The following GPC6 variants were observed in gnomAD, a reference collection of about 807,000 sequenced individuals.
GPC6 encodes the protein glypican-6.
GPC6 carries 14 observed loss-of-function variants against 55.2 expected under a neutral mutation model. The observed-to-expected ratio is 0.25, with a 90% confidence interval of 0.17 to 0.40. The LOEUF is 0.40. Among genes scored for constraint, GPC6 ranks in the 10% least tolerant of loss-of-function variants. The pLI, the probability that GPC6 is intolerant of heterozygous loss-of-function variation, is 1.00. For synonymous variants in GPC6, 278 were observed against 259.6 expected (o/e 1.07, Z -0.68); for missense variants, 641 against 708.5 (o/e 0.90, Z 1.08).
rs1882995104 is a variant in GPC6 at position 94,028,543 on chromosome 13, T to C, written c.877+649T>C. Among the ~76,000 whole-genome samples, 3 of 152,210 alleles carry C rather than the reference T, an allele frequency of 2.0e-5. 1 individual carries two copies. The South Asian group carries it at 6.2e-4, about 32-fold the overall frequency. ...AAAAGTCCACTGTACTATTTCTTTT[T>C]TATTTGTATTACCTCAGCATAGCCA... On this transcript the variant is annotated intron_variant, in intron 4 of 8. Coordinates refer to ENST00000377047, the MANE Select transcript of GPC6 (RefSeq NM_005708.5).
intron 2 of GPC6, among the ~76,000 whole-genome samples, chr13:93,599,305 A>T (rs1483537293): frequency 1.3e-5 from 2 of 151,626 alleles, no homozygotes; most frequent in Non-Finnish European, 2.9e-5. Flanking sequence ...AAAAAAAGAG[A>T]CATCAGAATC....
intron 2 of GPC6, among the ~76,000 whole-genome samples, chr13:93,690,782 T>A (rs1882230684): frequency 6.6e-6 from 1 of 152,134 alleles, no homozygotes; most frequent in Admixed American, 6.6e-5. Flanking sequence ...CAAGATTTCC[T>A]CTATGAAATT....
intron 3 of GPC6, among the ~76,000 whole-genome samples, chr13:93,972,748 G>A (rs1276347296): frequency 6.6e-6 from 1 of 152,114 alleles, no homozygotes; most frequent in Non-Finnish European, 1.5e-5. Flanking sequence ...GCCAAGAAAG[G>A]ATAATAGGCC....
chr13:94,242,250 A>T (rs1891077274), intron 4 of GPC6, among the ~76,000 whole-genome samples: 1 of 152,048 alleles, frequency 6.6e-6, no homozygotes, highest in Non-Finnish European at 1.5e-5. Flanking sequence ...ACATGAAGTC[A>T]TCCTTTTTTA....
intron 4 of GPC6, among the ~76,000 whole-genome samples, chr13:94,078,411 G>A (rs79804193): frequency 0.012 from 1,811 of 151,788 alleles, 19 homozygotes; most frequent in Admixed American, 0.017. Flanking sequence ...AAAGATTAGC[G>A]TAGAAATAAA....
chr13:94,170,048 A>G (rs1042467772), intron 4 of GPC6, among the ~76,000 whole-genome samples: 1 of 152,146 alleles, frequency 6.6e-6, no homozygotes, highest in African/African-American at 2.4e-5. Context: ...TTCCTTTGGC[A>G]CTGCTACTGT....
At chr13:94,385,465 C>A (rs908773837) in intron 7 of GPC6, among the ~76,000 whole-genome samples, 2 of 152,112 alleles carry the variant, frequency 1.3e-5, no homozygotes, top group Admixed American at 1.3e-4. Context: ...GGAAAATGAT[C>A]CAGTTTAATG....
At chr13:94,334,555 A>G (rs867114540) in intron 6 of GPC6, among the ~76,000 whole-genome samples, 1 of 152,364 alleles carries the variant, frequency 6.6e-6, no homozygotes, top group East Asian at 1.9e-4. Context: ...GGACAACAGC[A>G]TCAGCATTCC....
chr13:94,161,879 A>T (rs1451051076), intron 4 of GPC6, among the ~76,000 whole-genome samples: 6 of 152,158 alleles, frequency 3.9e-5, no homozygotes, highest in Admixed American at 1.3e-4. Context: ...CCTCACAATC[A>T]TGATGAAGGC....
chr13:93,788,814 A>C (rs1449459093), intron 2 of GPC6, among the ~76,000 whole-genome samples: 1 of 152,148 alleles, frequency 6.6e-6, no homozygotes, highest in African/African-American at 2.4e-5. Flanking sequence ...ATTGCAGAGA[A>C]TCAAGCATAA....
intron 2 of GPC6, among the ~76,000 whole-genome samples, chr13:93,788,804 A>G (rs1174176308): frequency 6.6e-6 from 1 of 152,170 alleles, no homozygotes; most frequent in Non-Finnish European, 1.5e-5. Context: ...AGTGGAAACC[A>G]TTGCAGAGAA....
chr13:93,846,578 C>T (rs1379838681), intron 3 of GPC6, among the ~76,000 whole-genome samples: 4 of 152,024 alleles, frequency 2.6e-5, no homozygotes, highest in African/African-American at 7.2e-5. Flanking sequence ...TTTGGGAGGC[C>T]GAGGCAGGTG....
intron 4 of GPC6, among the ~76,000 whole-genome samples, chr13:94,065,756 A>G (rs370099291): frequency 9.9e-5 from 15 of 152,144 alleles, no homozygotes; most frequent in East Asian, 9.6e-4. Context: ...ACACCCCACC[A>G]TCTTTCTCTG....
At position 93,710,759 on chromosome 13, in the gene GPC6, G is replaced by A. The variant is rs146138498; in HGVS notation, c.320-119395G>A. 1.4e-3 allele frequency among the ~76,000 whole-genome samples: 208 copies of A among 150,576 alleles called. 1 individual carries two copies. The highest frequency in any genetic ancestry group is 4.8e-3 in the African/African-American group (197 of 40,914). On this transcript the variant is annotated intron_variant, in intron 2 of 8. Transcript: ENST00000377047. Reference sequence around the variant, plus strand: ...AATTATAGTGTAGAATTTTCTGAAGGGTTTGAACCATTATAATTTTAAGTA... The same window carrying A: ...AATTATAGTGTAGAATTTTCTGAAGAGTTTGAACCATTATAATTTTAAGTA...
At chr13:93,639,470 A>G (rs570437163) in intron 2 of GPC6, among the ~76,000 whole-genome samples, 1 of 152,270 alleles carries the variant, frequency 6.6e-6, no homozygotes, top group African/African-American at 2.4e-5. Flanking sequence ...AATTTTGAGT[A>G]TTCCGTGTTA....
intron 3 of GPC6, among the ~76,000 whole-genome samples, chr13:93,865,729 T>G (rs1888945758): frequency 6.6e-6 from 1 of 151,706 alleles, no homozygotes; most frequent in Non-Finnish European, 1.5e-5. Context: ...TTCAACATGT[T>G]TTCATTGCCT....
chr13:93,354,439 C>G (rs947664800), intron 1 of GPC6, among the ~76,000 whole-genome samples: 4 of 147,792 alleles, frequency 2.7e-5, no homozygotes, highest in Non-Finnish European at 5.9e-5. Flanking sequence ...CAAGCTCTGC[C>G]TCCCGGGTTC....
At chr13:93,265,031 C>T (rs1039621039) in intron 1 of GPC6, among the ~76,000 whole-genome samples, 9 of 152,132 alleles carry the variant, frequency 5.9e-5, no homozygotes, top group African/African-American at 2.2e-4. Context: ...GGTCTACTCT[C>T]TGAGTTCTTA....
rs1004047373 is a variant in GPC6 at position 93,999,239 on chromosome 13, TC to T, written c.712-28489del. ...TGTTCCCCTCCCTGTGTCCATGTGT[TC>T]TCTTTGTTAAACTCCCATTTATGAG... On this transcript the variant is annotated intron_variant, in intron 3 of 8. Coordinates refer to ENST00000377047, the MANE Select transcript of GPC6 (RefSeq NM_005708.5). 1.9e-4 allele frequency among the ~76,000 whole-genome samples: 29 copies of T among 152,270 alleles called. 1 individual carries two copies. Among genetic ancestry groups the T allele is most frequent in the African/African-American group, 6.7e-4 (28 of 41,556 alleles).
Sources: gnomAD v4.1 joint callset for allele counts (sites outside exome capture counted in the v4.1 genomes callset) on GRCh38, gnomAD v4.1.1 for gene constraint, MANE v1.5 for transcripts, NCBI Gene and HGNC (gene_info 2026-07-23, HGNC 2026-07-21) for gene names.